Variants in NMNAT2 observed in about 807,000 individuals in gnomAD.
The protein encoded by NMNAT2 is nicotinamide/nicotinic acid mononucleotide adenylyltransferase 2.
In NMNAT2, 11 loss-of-function variants were observed where a neutral mutation model predicts 41.6. The ratio of observed to expected loss-of-function variants is 0.26; its 90% CI spans 0.17 to 0.44. The LOEUF (loss-of-function observed/expected upper bound fraction) is 0.44. Among genes scored for constraint, NMNAT2 ranks in the 20% least tolerant of loss-of-function variants. The probability of loss-of-function intolerance (pLI) is 1.00; values close to 1 mark genes in which losing one functional copy is unlikely to be tolerated. For synonymous variants in NMNAT2, 148 were observed against 151.2 expected (o/e 0.98, Z 0.16); for missense variants, 288 against 407.7 (o/e 0.71, Z 2.53).
At chr1:183,287,157 G>A (rs1045921821) in intron 4 of NMNAT2, among the ~76,000 whole-genome samples, 2 of 152,102 alleles carry the variant, frequency 1.3e-5, no homozygotes, top group African/African-American at 4.8e-5. Context: ...AAGTGCCTAT[G>A]GGGTGCCTGA....
At chr1:183,284,491 A>T (rs1661349461) in intron 6 of NMNAT2, among the ~76,000 whole-genome samples, 1 of 152,244 alleles carries the variant, frequency 6.6e-6, no homozygotes, top group Non-Finnish European at 1.5e-5. Flanking sequence ...GGTGGAATGT[A>T]GCAAGTGCCT....
intron 10 of NMNAT2, among the ~76,000 whole-genome samples, chr1:183,257,366 G>A (rs746111403): frequency 9.9e-5 from 15 of 152,112 alleles, no homozygotes; most frequent in South Asian, 2.1e-4. Flanking sequence ...ACTTGAACCC[G>A]GGACGCGGAG....
intron 1 of NMNAT2, among the ~76,000 whole-genome samples, chr1:183,390,999 AAC>A (rs1648465411): frequency 6.6e-6 from 1 of 152,226 alleles, no homozygotes; most frequent in Non-Finnish European, 1.5e-5. Context: ...CCTAAAAATT[AAC>A]ACAAACCTGA....
rs533033727 is a variant in NMNAT2 at position 183,290,866 on chromosome 1, C to G, written c.243-660G>C. 3.3e-5 allele frequency: 5 copies of G among 152,316 alleles called. No individual in the cohort carries two copies. The East Asian group carries it at 7.7e-4, about 24-fold the overall frequency. 9.4% of individuals were successfully genotyped at this position (152,316 alleles called of 1,614,324 possible). A position where few individuals can be genotyped will look rare whatever the true frequency, so the allele number is the denominator to read the frequency against. The stretch of plus-strand genomic sequence containing the variant: ...AGCCCCTCCGGGATACTGCTTGTGA[C>G]GTAAGCAGGGATCCAGCCCCAGACT... On this transcript the variant is annotated intron_variant, in intron 3 of 10. Transcript: ENST00000287713.
At chr1:183,361,300 C>G (rs920438685) in intron 1 of NMNAT2, among the ~76,000 whole-genome samples, 1 of 152,192 alleles carries the variant, frequency 6.6e-6, no homozygotes, top group African/African-American at 2.4e-5. Flanking sequence ...CAAGCCACGA[C>G]TTGTTCTTGA....
At chr1:183,269,588 G>C (rs1243876792) in intron 8 of NMNAT2, among the ~76,000 whole-genome samples, 1 of 152,266 alleles carries the variant, frequency 6.6e-6, no homozygotes, top group Non-Finnish European at 1.5e-5. Context: ...GGATGCACAT[G>C]GGCCCATTGG....
intron 7 of NMNAT2, among the ~76,000 whole-genome samples, chr1:183,278,991 T>C (rs1310823144): frequency 6.6e-6 from 1 of 152,208 alleles, no homozygotes; most frequent in African/African-American, 2.4e-5. Context: ...GTCTAAGGTC[T>C]GAGGTACTCT....
chr1:183,393,401 G>A (rs1213269809), intron 1 of NMNAT2, among the ~76,000 whole-genome samples: 1 of 151,956 alleles, frequency 6.6e-6, no homozygotes, highest in Non-Finnish European at 1.5e-5. Flanking sequence ...GATGATGAGT[G>A]CAAACTTGGG....
Position 183,284,796 on chromosome 1 carries a change from G to A in NMNAT2, c.449-6C>T, listed in dbSNP as rs1248553738. 1 of 1,613,404 alleles carries A rather than the reference G, an allele frequency of 6.2e-7. No individual in the cohort carries two copies. The highest frequency in any genetic ancestry group is 8.5e-7 in the Non-Finnish European group (1 of 1,179,316). ...CACCTTCCCCAAGATCTTGGCTATGGGAGAGAGCAAGACAGACAGGGACAG... is the reference window on the plus strand; with the variant it reads ...CACCTTCCCCAAGATCTTGGCTATGAGAGAGAGCAAGACAGACAGGGACAG... On this transcript the variant is annotated splice_polypyrimidine_tract_variant and splice_region_variant and intron_variant, in intron 5 of 10. Coordinates refer to ENST00000287713, the MANE Select transcript of NMNAT2 (RefSeq NM_015039.4).
intron 3 of NMNAT2, among the ~76,000 whole-genome samples, chr1:183,292,357 T>TG (rs1024351917): frequency 5.3e-5 from 8 of 152,114 alleles, no homozygotes; most frequent in Non-Finnish European, 1.2e-4. Flanking sequence ...GGGGCCAGTG[T>TG]GGGGCCCTTA....
At chr1:183,405,470 T>G (rs947952810) in intron 1 of NMNAT2, among the ~76,000 whole-genome samples, 2 of 152,228 alleles carry the variant, frequency 1.3e-5, no homozygotes, top group Non-Finnish European at 2.9e-5. Flanking sequence ...TTTTAAAAGA[T>G]TCCACTTCAC....
intron 1 of NMNAT2, among the ~76,000 whole-genome samples, chr1:183,391,796 C>T (rs1444982937): frequency 6.6e-6 from 1 of 152,166 alleles, no homozygotes; most frequent in Non-Finnish European, 1.5e-5. Context: ...CCTTACTTGT[C>T]CTCTCAGAAA....
intron 10 of NMNAT2, among the ~76,000 whole-genome samples, chr1:183,258,470 G>T (rs987563429): frequency 9.2e-5 from 14 of 151,996 alleles, no homozygotes; most frequent in African/African-American, 3.4e-4. Flanking sequence ...CCTGGTGTAG[G>T]CTGAACTAAC....
chr1:183,348,277 C>T (rs1303259074), intron 1 of NMNAT2, among the ~76,000 whole-genome samples: 1 of 152,022 alleles, frequency 6.6e-6, no homozygotes, highest in Non-Finnish European at 1.5e-5. Context: ...GCTGTGCGTG[C>T]GTGCACGTGT....
chr1:183,254,166 GT>G (rs1176078093), intron 10 of NMNAT2, among the ~76,000 whole-genome samples: 6 of 152,050 alleles, frequency 3.9e-5, no homozygotes, highest in Admixed American at 6.6e-5. Context: ...CCTCTATTCT[GT>G]TTTCTATAAC....
intron 1 of NMNAT2, among the ~76,000 whole-genome samples, chr1:183,407,391 G>T (rs1648987357): frequency 6.6e-6 from 1 of 151,772 alleles, no homozygotes; most frequent in Non-Finnish European, 1.5e-5. Flanking sequence ...GTTTTTTTTG[G>T]TTCTGTCTTG....
rs1267272963 is a variant in NMNAT2, at chr1:183,389,635, C to T, written c.85+28548G>A. ...CCTGTAGTCCCAGCTACTTGGGAGGCTGAGGTGGGAGGATTGCTTGAGCCC... is the reference window on the plus strand; with the variant it reads ...CCTGTAGTCCCAGCTACTTGGGAGGTTGAGGTGGGAGGATTGCTTGAGCCC... On this transcript the variant is annotated intron_variant, in intron 1 of 10. Coordinates refer to ENST00000287713, the MANE Select transcript of NMNAT2 (RefSeq NM_015039.4). Among the ~76,000 whole-genome samples the T allele has an allele frequency of 7.9e-5, 12 of 151,194 alleles. No individual in the cohort carries two copies. In the East Asian group the frequency reaches 1.4e-3, roughly 17 times the overall value.
chr1:183,298,541 T>C (rs1247987474), intron 1 of NMNAT2, among the ~76,000 whole-genome samples: 1 of 152,234 alleles, frequency 6.6e-6, no homozygotes, highest in Non-Finnish European at 1.5e-5. Flanking sequence ...AAAGAAGATC[T>C]AAATAAATGT....
chr1:183,261,519 A>T (rs1274607262), intron 8 of NMNAT2, among the ~76,000 whole-genome samples: 1 of 152,232 alleles, frequency 6.6e-6, no homozygotes, highest in Non-Finnish European at 1.5e-5. Context: ...CTGGTCACAG[A>T]AGTCGCTTAA....
Sources: gnomAD v4.1 joint callset for allele counts (sites outside exome capture counted in the v4.1 genomes callset) on GRCh38, gnomAD v4.1.1 for gene constraint, MANE v1.5 for transcripts, NCBI Gene and HGNC (gene_info 2026-07-23, HGNC 2026-07-21) for gene names.